USP12: variants seen among roughly 807,000 people sequenced by gnomAD.
USP12 encodes ubiquitin specific peptidase 12.
Under a neutral mutation model 45.5 loss-of-function variants are expected in USP12, and 19 were observed. The ratio of observed to expected loss-of-function variants is 0.42; its 90% CI spans 0.29 to 0.61. The LOEUF is 0.61. USP12 is among the 20% of genes least tolerant of loss of function. The pLI, the probability that USP12 is intolerant of heterozygous loss-of-function variation, is 0.22. For synonymous variants in USP12, 149 were observed against 148.8 expected (o/e 1.00, Z -0.01); for missense variants, 242 against 447.7 (o/e 0.54, Z 4.15).
chr13:27,114,441 G>T, intron 2 of USP12, among the ~76,000 whole-genome samples: 1 of 152,152 alleles, frequency 6.6e-6, no homozygotes, highest in East Asian at 1.9e-4. Context: ...GCAAAAGAAA[G>T]CTTCCAAAGG....
At chr13:27,114,841 A>T (rs541472353) in intron 2 of USP12, among the ~76,000 whole-genome samples, 56 of 151,890 alleles carry the variant, frequency 3.7e-4, no homozygotes, top group Non-Finnish European at 4.9e-4. Context: ...TTTAAAAATT[A>T]GACAGGCATG....
chr13:27,102,476 T>C (rs1874914481), intron 3 of USP12, among the ~76,000 whole-genome samples: 1 of 152,180 alleles, frequency 6.6e-6, no homozygotes, highest in Non-Finnish European at 1.5e-5. Flanking sequence ...GCTTTCCAAA[T>C]AAAACCCAAG....
chr13:27,083,110 C>T lies in USP12; in HGVS notation c.734+6773G>A, dbSNP rs1873839767. Among the ~76,000 whole-genome samples, 4 of 152,200 alleles carry T rather than the reference C, an allele frequency of 2.6e-5. No individual in the cohort carries two copies. The South Asian group carries it at 8.3e-4, about 31-fold the overall frequency. ...TTGGCCTCCCAAAGTGCTGGGATTA[C>T]AGGTGTGAGTCACTGCACCTGGCTA... On this transcript the variant is annotated intron_variant, in intron 6 of 8. Coordinates refer to ENST00000282344, the MANE Select transcript of USP12 (RefSeq NM_182488.4).
intron 2 of USP12, among the ~76,000 whole-genome samples, chr13:27,108,270 A>G (rs1288736487): frequency 6.6e-6 from 1 of 152,084 alleles, no homozygotes; most frequent in Admixed American, 6.5e-5. Flanking sequence ...ATTCTCAGGA[A>G]ACTATCGCAA....
intron 3 of USP12, among the ~76,000 whole-genome samples, chr13:27,101,934 G>A (rs1361019602): frequency 2.0e-5 from 3 of 152,134 alleles, no homozygotes; most frequent in African/African-American, 7.2e-5. Context: ...GGTTCCTTAA[G>A]AACAAGGACC....
intron 1 of USP12, among the ~76,000 whole-genome samples, chr13:27,154,592 C>T (rs917307549): frequency 6.6e-6 from 1 of 152,082 alleles, no homozygotes; most frequent in African/African-American, 2.4e-5. Context: ...ACCCAAAATT[C>T]ATTAAAGGCA....
At chr13:27,164,270 G>C (rs1030052777) in intron 1 of USP12, among the ~76,000 whole-genome samples, 1 of 152,156 alleles carries the variant, frequency 6.6e-6, no homozygotes, top group Non-Finnish European at 1.5e-5. Flanking sequence ...TTTCAGTTAA[G>C]AACATCTGTC....
chr13:27,100,825 GT>G (rs2137781155), intron 3 of USP12, among the ~76,000 whole-genome samples: 1 of 152,310 alleles, frequency 6.6e-6, no homozygotes, highest in South Asian at 2.1e-4. Flanking sequence ...GGGAGAACTA[GT>G]AAAAAGATTT....
At chr13:27,085,119 T>A (rs983493555) in intron 6 of USP12, among the ~76,000 whole-genome samples, 1 of 152,152 alleles carries the variant, frequency 6.6e-6, no homozygotes, top group Admixed American at 6.5e-5. Context: ...TTCCTAAGTA[T>A]TTTATTGTTT....
intron 6 of USP12, among the ~76,000 whole-genome samples, chr13:27,078,552 AAAAG>A (rs1416668967): frequency 2.6e-5 from 4 of 151,936 alleles, no homozygotes; most frequent in African/African-American, 7.3e-5. Context: ...AACTATTCAA[AAAAG>A]AAAGAAGGAT....
rs1196244981 is a variant in USP12, at chr13:27,162,479, A to G, written c.48+9113T>C. Among the ~76,000 whole-genome samples the G allele has an allele frequency of 3.3e-5, 5 of 152,190 alleles. No homozygotes were observed. The East Asian group carries it at 9.6e-4, about 29-fold the overall frequency. On this transcript the variant is annotated intron_variant, in intron 1 of 8. Transcript: ENST00000282344. ...GGGCTGACTTTAAGCTTCCTTTTCC[A>G]TTTTGTGAAAATGGGGCTAATACTA...
At chr13:27,105,657 G>C in intron 3 of USP12, 74 bp downstream of exon 3, 1 of 1,387,444 alleles carries the variant, frequency 7.2e-7, no homozygotes, top group East Asian at 2.3e-5. Flanking sequence ...ATGATGCTCA[G>C]TAAGTGCTGG....
At chr13:27,094,448 T>TCTAG (rs1874469114) in intron 4 of USP12, among the ~76,000 whole-genome samples, 6 of 151,792 alleles carry the variant, frequency 4.0e-5, no homozygotes, top group Admixed American at 1.3e-4. Context: ...GCTATAATGA[T>TCTAG]CTATAACAGT....
chr13:27,095,820 G>A lies in USP12; in HGVS notation c.354C>T (p.Asp118=), dbSNP rs771886085. 5 of 1,586,982 alleles carry A rather than the reference G, an allele frequency of 3.2e-6. No individual in the cohort carries two copies. In the South Asian group the frequency reaches 5.9e-5, roughly 19 times the overall value. The stretch of plus-strand genomic sequence containing the variant: ...CATGGGCATCTTGTTGCATGTAGTT[G>A]TCAAAAAGCTCTGAAAATAAAAACA... ...TRLRKENELF[D]NYMQQDAHEF... Residue 118 remains aspartate, a synonymous_variant, in exon 4 of 9, where the codon GAC becomes GAT. Transcript: ENST00000282344.
At chr13:27,146,451 A>T (rs1437166229) in intron 1 of USP12, among the ~76,000 whole-genome samples, 1 of 152,050 alleles carries the variant, frequency 6.6e-6, no homozygotes, top group Admixed American at 6.5e-5. Context: ...CTAGGGGTAT[A>T]AGGTAGGGAG....
intron 1 of USP12, among the ~76,000 whole-genome samples, chr13:27,128,474 T>C (rs1005256593): frequency 2.0e-5 from 3 of 152,166 alleles, no homozygotes; most frequent in Non-Finnish European, 2.9e-5. Context: ...CTCTCATGGA[T>C]AGCTAACATT....
At chr13:27,081,887 G>T (rs1873775964) in intron 6 of USP12, among the ~76,000 whole-genome samples, 1 of 152,202 alleles carries the variant, frequency 6.6e-6, no homozygotes, top group Non-Finnish European at 1.5e-5. Context: ...TTGTTTCTGA[G>T]TGATAGGTCT....
At chr13:27,138,657 T>C (rs1396951630) in intron 1 of USP12, among the ~76,000 whole-genome samples, 16 of 152,324 alleles carry the variant, frequency 1.1e-4, no homozygotes, top group East Asian at 1.9e-4. Flanking sequence ...TCATTATGAC[T>C]GGTTTCACTT....
At chr13:27,141,295 G>T (rs1012984638) in intron 1 of USP12, among the ~76,000 whole-genome samples, 1 of 152,034 alleles carries the variant, frequency 6.6e-6, no homozygotes, top group Non-Finnish European at 1.5e-5. Context: ...GATTACAGGC[G>T]TGAGCCACCA....
Sources: allele counts gnomAD v4.1 joint callset (sites outside exome capture counted in the v4.1 genomes callset), GRCh38; gene constraint gnomAD v4.1.1; transcripts MANE v1.5; gene names NCBI Gene and HGNC (gene_info 2026-07-23, HGNC 2026-07-21).